Variants in SLCO1A2 observed in about 807,000 individuals in gnomAD.
SLCO1A2 encodes solute carrier organic anion transporter family member 1A2.
In SLCO1A2, 67 loss-of-function variants were observed where a neutral mutation model predicts 69.0. The observed-to-expected ratio is 0.97, with a 90% CI of 0.80 to 1.19. The LOEUF (loss-of-function observed/expected upper bound fraction) is 1.19, where lower values mean the gene tolerates loss of function less well. SLCO1A2 is among the 50% of genes most tolerant of loss of function. SLCO1A2 has a pLI of 0.00. For synonymous variants in SLCO1A2, 260 were observed against 265.9 expected, an observed-to-expected ratio of 0.98 and a Z score of 0.22; for missense variants, 787 against 793.7, an observed-to-expected ratio of 0.99 and a Z score of 0.10.
chr12:21,394,795 C>T (rs1451591946), intron 1 of SLCO1A2: 5 of 152,018 alleles, frequency 3.3e-5, no homozygotes, highest in Non-Finnish European at 7.4e-5. Context: ...AGATATTTCT[C>T]AACACCTGGG....
At chr12:21,378,267 T>A in intron 1 of SLCO1A2, 8 of 1,614,230 alleles carry the variant, frequency 5.0e-6, no homozygotes, top group Non-Finnish European at 6.8e-6. Flanking sequence ...AATGCAACAC[T>A]GCCACATGTG....
chr12:21,330,112 T>C (rs1487863387), intron 2 of SLCO1A2, among the ~76,000 whole-genome samples: 3 of 152,080 alleles, frequency 2.0e-5, no homozygotes, highest in African/African-American at 7.2e-5. Flanking sequence ...TATAAACATA[T>C]AGCTATAACA....
intron 11 of SLCO1A2, 115 bp from the exon 12 acceptor site, chr12:21,292,451 C>G: frequency 1.5e-6 from 1 of 684,198 alleles, no homozygotes; most frequent in Non-Finnish European, 2.4e-6. Context: ...TTTACTCCAT[C>G]TCCATTATGA....
At chr12:21,327,464 A>G (rs1276698925) in intron 2 of SLCO1A2, among the ~76,000 whole-genome samples, 2 of 152,118 alleles carry the variant, frequency 1.3e-5, no homozygotes. Context: ...TGGAAAAGCC[A>G]CAGAACACTC....
chr12:21,296,508 G>A (rs772028462), intron 9 of SLCO1A2, among the ~76,000 whole-genome samples: 1 of 152,154 alleles, frequency 6.6e-6, no homozygotes. Flanking sequence ...ATCCCAAAGT[G>A]CTGGAATTAA....
chr12:21,387,341 G>A (rs1378053742), intron 1 of SLCO1A2, among the ~76,000 whole-genome samples: 1 of 152,164 alleles, frequency 6.6e-6, no homozygotes, highest in Non-Finnish European at 1.5e-5. Flanking sequence ...GACCTTCACA[G>A]CAGCCCCTCC....
At chr12:21,392,447 C>A (rs1941207878) in intron 1 of SLCO1A2, among the ~76,000 whole-genome samples, 1 of 152,160 alleles carries the variant, frequency 6.6e-6, no homozygotes, top group Non-Finnish European at 1.5e-5. Flanking sequence ...CACCAGTCCC[C>A]TGTGTCTCCC....
intron 2 of SLCO1A2, among the ~76,000 whole-genome samples, chr12:21,342,440 A>G (rs1052942263): frequency 6.6e-6 from 1 of 152,052 alleles, no homozygotes; most frequent in African/African-American, 2.4e-5. Context: ...ACACTTTTAA[A>G]ATATTTTAAG....
At chr12:21,365,701 G>GA (rs1049458090) in intron 2 of SLCO1A2, among the ~76,000 whole-genome samples, 20 of 151,282 alleles carry the variant, frequency 1.3e-4, no homozygotes, top group Non-Finnish European at 2.2e-4. Flanking sequence ...AAATTTACAA[G>GA]AAAAAAAACA....
At chr12:21,328,078 A>C (rs1237539445) in intron 2 of SLCO1A2, among the ~76,000 whole-genome samples, 2 of 152,182 alleles carry the variant, frequency 1.3e-5, no homozygotes, top group Non-Finnish European at 2.9e-5. Flanking sequence ...TATAAAAGGC[A>C]GTTCCCCTGC....
At chr12:21,399,928 A>G (rs1941630023), upstream of SLCO1A2, among the ~76,000 whole-genome samples, 1 of 151,906 alleles carries the variant, frequency 6.6e-6, no homozygotes, top group African/African-American at 2.4e-5. Flanking sequence ...AAACCCTAGA[A>G]GAAAAGCTAG....
At chr12:21,297,193 C>CTT (rs1239493742) in intron 9 of SLCO1A2, among the ~76,000 whole-genome samples, 1 of 147,630 alleles carries the variant, frequency 6.8e-6, no homozygotes, top group Non-Finnish European at 1.5e-5. Flanking sequence ...CTTCCCTACC[C>CTT]TTTCTTTCTT....
chr12:21,339,887 G>C (rs1265250185), upstream of SLCO1A2, among the ~76,000 whole-genome samples: 1 of 151,996 alleles, frequency 6.6e-6, no homozygotes, highest in African/African-American at 2.4e-5. Flanking sequence ...GAGGATAGGA[G>C]AGAATGGGTG....
At chr12:21,386,959 T>C (rs1940912319) in intron 1 of SLCO1A2, among the ~76,000 whole-genome samples, 1 of 152,056 alleles carries the variant, frequency 6.6e-6, no homozygotes, top group Admixed American at 6.6e-5. Context: ...ACACCGATAG[T>C]GATATGGACA....
At chr12:21,403,780 C>T (rs1444851868) in intron 1 of SLCO1A2, 3 of 147,536 alleles carry the variant, frequency 2.0e-5, no homozygotes, top group Admixed American at 6.9e-5. Flanking sequence ...GCTTTGGCTC[C>T]AATACCCTGT....
At chr12:21,279,154 G>C (rs1296068695) in intron 12 of SLCO1A2, among the ~76,000 whole-genome samples, 1 of 151,672 alleles carries the variant, frequency 6.6e-6, no homozygotes, top group African/African-American at 2.4e-5. Context: ...AAAATACACA[G>C]TAAGGGATAC....
At chr12:21,344,974 A>G (rs952809345) in intron 2 of SLCO1A2, among the ~76,000 whole-genome samples, 3 of 152,026 alleles carry the variant, frequency 2.0e-5, no homozygotes, top group African/African-American at 7.2e-5. Flanking sequence ...TTCCATATTT[A>G]TATAAACCCA....
intron 1 of SLCO1A2, among the ~76,000 whole-genome samples, chr12:21,377,423 T>C (rs1940281288): frequency 6.6e-6 from 1 of 152,228 alleles, no homozygotes; most frequent in South Asian, 2.1e-4. Flanking sequence ...GAACAAAGCA[T>C]GATATCTACC....
At chr12:21,370,802 T>C (rs1210350817) in intron 2 of SLCO1A2, among the ~76,000 whole-genome samples, 1 of 152,228 alleles carries the variant, frequency 6.6e-6, no homozygotes, top group African/African-American at 2.4e-5. Flanking sequence ...TGTTTGATGT[T>C]GAACTTTATT....
Sources: gnomAD v4.1 joint callset for allele counts (sites outside exome capture counted in the v4.1 genomes callset) on GRCh38, gnomAD v4.1.1 for gene constraint, MANE v1.5 for transcripts, NCBI Gene and HGNC (gene_info 2026-07-23, HGNC 2026-07-21) for gene names.